SPR: variants seen among roughly 807,000 people sequenced by gnomAD.
The protein encoded by SPR is sepiapterin reductase.
A neutral mutation model predicts 16.0 loss-of-function variants in SPR; 12 were observed. The observed-to-expected ratio is 0.75, with a 90% CI of 0.48 to 1.22. The LOEUF (loss-of-function observed/expected upper bound fraction) is 1.22, where lower values mean the gene tolerates loss of function less well. SPR is among the 50% of genes most tolerant of loss of function. The probability of loss-of-function intolerance (pLI) is 0.00; values close to 1 mark genes in which losing one functional copy is unlikely to be tolerated. For synonymous variants in SPR, 177 were observed against 168.5 expected (o/e 1.05, Z -0.39); for missense variants, 324 against 344.4 (o/e 0.94, Z 0.47).
intron 2 of SPR, among the ~76,000 whole-genome samples, chr2:72,891,066 G>A (rs974442824): frequency 6.6e-6 from 1 of 152,256 alleles, no homozygotes; most frequent in Admixed American, 6.5e-5. Flanking sequence ...AATAGAAATG[G>A]GAATGTCAGG....
In SPR at chr2:72,891,553, T is replaced by C; in HGVS notation, c.*16T>C. 6.2e-7 allele frequency: 1 copy of C among 1,614,178 alleles called. No homozygotes were observed. Among genetic ancestry groups the C allele is most frequent in the South Asian group, 1.1e-5 (1 of 91,074 alleles). On this transcript the variant is annotated 3_prime_UTR_variant, in exon 3 of 3. Transcript: ENST00000234454. ...TGACAAATAAGCCCATGTTTTTGGC[T>C]TCCTGAACCTTTTTGCCCCCACTTT...
rs568491732 is a variant in SPR at position 72,888,201 on chromosome 2, C to T, written c.305-113C>T. 8.9e-5 allele frequency: 98 copies of T among 1,096,646 alleles called. No homozygotes were observed. The African/African-American group carries it at 1.0e-3, about 12-fold the overall frequency. 67.9% of individuals were successfully genotyped at this position (1,096,646 alleles called of 1,614,324 possible). A position where few individuals can be genotyped will look rare whatever the true frequency, so the allele number is the denominator to read the frequency against. ...GAGAAGCCTCTTCAGAAGCGCTAGG[C>T]AGCTTCCTCCTCTAGGTCTGCATGG... On this transcript the variant is annotated intron_variant, in intron 1 of 2. Coordinates refer to ENST00000234454, the MANE Select transcript of SPR (RefSeq NM_003124.5).
At chr2:72,890,469 G>A (rs1458206520) in intron 2 of SPR, among the ~76,000 whole-genome samples, 1 of 152,174 alleles carries the variant, frequency 6.6e-6, no homozygotes, top group African/African-American at 2.4e-5. Flanking sequence ...AGCCTCCCGA[G>A]TAGCTGGGAC....
chr2:72,891,338 ATCCTCTAGG>A lies in SPR; in HGVS notation c.596-2_602del, dbSNP rs2105243192. 2.5e-6 allele frequency: 4 copies of A among 1,613,998 alleles called. No homozygotes were observed. Among genetic ancestry groups the A allele is most frequent in the East Asian group, 2.2e-5 (1 of 44,862 alleles). On this transcript the variant is annotated splice_acceptor_variant and splice_polypyrimidine_tract_variant and coding_sequence_variant and intron_variant, in exon 3 of 3. Coordinates refer to ENST00000234454, the MANE Select transcript of SPR (RefSeq NM_003124.5). LOFTEE classifies it high-confidence loss of function. ...CATGTTCCCTCATCGTCTCCTTTTC[ATCCTCTAGG>A]TCCTCTGGACACAGACATGCAGCAG...
intron 2 of SPR, among the ~76,000 whole-genome samples, chr2:72,890,307 G>A (rs1371648716): frequency 2.6e-5 from 4 of 152,104 alleles, no homozygotes; most frequent in Admixed American, 6.5e-5. Flanking sequence ...GGTTTTGAGC[G>A]GAGGAATGTT....
chr2:72,891,533 A>G lies in SPR; in HGVS notation c.782A>G (p.Lys261Arg), dbSNP rs148735171. 29 of 1,614,126 alleles carry G rather than the reference A, an allele frequency of 1.8e-5. No individual in the cohort carries two copies. The highest frequency in any genetic ancestry group is 2.2e-5 in the Non-Finnish European group (26 of 1,180,046). Reference sequence around the variant, plus strand: ...GGAGCCCACGTGGACTTCTATGACAAATAAGCCCATGTTTTTGGCTTCCTG... The same window carrying G: ...GGAGCCCACGTGGACTTCTATGACAGATAAGCCCATGTTTTTGGCTTCCTG... ...KSGAHVDFYD[K>R] The change falls in exon 3 of 3, where the codon AAA becomes AGA. Residue 261 changes from lysine (K) to arginine (R), a missense_variant. Coordinates refer to ENST00000234454, the MANE Select transcript of SPR (RefSeq NM_003124.5).
chr2:72,888,084 C>T (rs763730059), intron 1 of SPR, among the ~76,000 whole-genome samples: 2 of 152,250 alleles, frequency 1.3e-5, no homozygotes, highest in African/African-American at 2.4e-5. Context: ...TAGAGCTTTC[C>T]TTCAGCCCCA....
intron 2 of SPR, 95 bp from the exon 3 acceptor site, chr2:72,891,252 C>A: frequency 7.4e-7 from 1 of 1,360,014 alleles, no homozygotes; most frequent in South Asian, 1.2e-5. Flanking sequence ...CTGGCCAGAC[C>A]TGACTCAGCC....
In SPR at chr2:72,888,564, G is replaced by A. The variant is rs748238701; in HGVS notation, c.555G>A (p.Ala185=). Residue 185 remains alanine, a synonymous_variant, in exon 2 of 3, where the codon GCG becomes GCA. Transcript: ENST00000234454. The part of the protein sequence containing the change: ...AARDMLFQVL[A]LEEPNVRVLN... The stretch of plus-strand genomic sequence containing the variant: ...GTGATATGCTGTTCCAGGTCCTGGC[G>A]CTGGAGGAACCTAATGTGAGGGTGC... 37 of 1,596,150 alleles carry A rather than the reference G, an allele frequency of 2.3e-5. No homozygotes were observed. The highest frequency in any genetic ancestry group is 2.8e-5 in the Non-Finnish European group (33 of 1,169,714).
chr2:72,887,504 C>T lies in SPR; in HGVS notation c.72C>T (p.Ala24=), dbSNP rs1670557588. ...GASRGFGRTL[A]PLLASLLSPG... ...CCCGCGGCTTCGGCCGGACGCTGGC[C>T]CCGCTCCTGGCCTCGCTGCTGTCGC... is the stretch of plus-strand genomic sequence containing the variant. The change falls in exon 1 of 3, where the codon GCC becomes GCT. Residue 24 remains alanine (A), a synonymous_variant. Transcript: ENST00000234454. The T allele has an allele frequency of 1.3e-6, 2 of 1,494,092 alleles. No homozygotes were observed. The highest frequency in any genetic ancestry group is 1.5e-5 in the African/African-American group (1 of 68,744). The allele number at this position is 1,494,092 out of a possible 1,614,324, so 92.6% of individuals were successfully genotyped here. A position where few individuals can be genotyped will look rare whatever the true frequency, so the allele number is the denominator to read the frequency against.
chr2:72,888,431 C>T lies in SPR; in HGVS notation c.422C>T (p.Ala141Val), dbSNP rs747683661. 6.2e-7 allele frequency: 1 copy of T among 1,614,012 alleles called. No individual in the cohort carries two copies. The highest frequency in any genetic ancestry group is 8.5e-7 in the Non-Finnish European group (1 of 1,179,938). Residue 141 changes from alanine (A) to valine (V), a missense_variant, in exon 2 of 3, where the codon GCC (alanine) becomes GTC (valine). Ala to Val is a moderately conservative substitution (Grantham distance 64). Coordinates refer to ENST00000234454, the MANE Select transcript of SPR (RefSeq NM_003124.5). ...TGCCTGACTTCCAGCGTCCTGAAGG[C>T]CTTCCCGGACAGTCCTGGCCTCAAC... is the stretch of plus-strand genomic sequence containing the variant. ...MLCLTSSVLKAFPDSPGLNRT... is the reference protein window; with the variant it reads ...MLCLTSSVLKVFPDSPGLNRT...
chr2:72,888,686 C>T, intron 2 of SPR, 82 bp downstream of exon 2: 2 of 1,429,734 alleles, frequency 1.4e-6, no homozygotes, highest in Non-Finnish European at 1.9e-6. Flanking sequence ...CTAGTCCGCC[C>T]CCTCCAGGAA....
At chr2:72,887,828 G>A (rs1302277728) in intron 1 of SPR, 92 bp downstream of exon 1, 2 of 1,283,972 alleles carry the variant, frequency 1.6e-6, no homozygotes, top group African/African-American at 1.5e-5. Context: ...GGGTCAGATA[G>A]GACGCCTAGA....
intron 1 of SPR, 111 bp from the exon 2 acceptor site, chr2:72,888,203 G>A: frequency 8.9e-7 from 1 of 1,125,946 alleles, no homozygotes; most frequent in Non-Finnish European, 1.4e-6. Context: ...GCGCTAGGCA[G>A]CTTCCTCCTC....
At chr2:72,887,760 A>T in intron 1 of SPR, 24 bp downstream of exon 1, 1 of 1,491,730 alleles carries the variant, frequency 6.7e-7, no homozygotes, top group Non-Finnish European at 8.9e-7. Flanking sequence ...GCTGGAGCGG[A>T]CTCCCCATGT....
intron 1 of SPR, among the ~76,000 whole-genome samples, chr2:72,888,053 T>C (rs991634754): frequency 2.0e-5 from 3 of 152,192 alleles, no homozygotes; most frequent in Non-Finnish European, 4.4e-5. Flanking sequence ...AAGTAAACTC[T>C]CTGCTTCTCC....
chr2:72,888,513 G>T lies in SPR; in HGVS notation c.504G>T (p.Ala168=). 1.2e-6 allele frequency: 2 copies of T among 1,611,690 alleles called. No homozygotes were observed. Among genetic ancestry groups the T allele is most frequent in the African/African-American group, 2.7e-5 (2 of 74,994 alleles). The part of the protein sequence containing the change: ...LCALQPFKGW[A]LYCAGKAARD... ...CCCTGCAACCTTTCAAAGGCTGGGC[G>T]CTGTACTGTGCAGGAAAGGCTGCTC... The change falls in exon 2 of 3, where the codon GCG becomes GCT. Residue 168 remains alanine (A), a synonymous_variant. Transcript: ENST00000234454.
At chr2:72,888,205 T>C in intron 1 of SPR, 109 bp from the exon 2 acceptor site, 1 of 1,143,914 alleles carries the variant, frequency 8.7e-7, no homozygotes, top group South Asian at 1.2e-5. Context: ...GCTAGGCAGC[T>C]TCCTCCTCTA....
chr2:72,890,531 TG>T (rs1670601889), intron 2 of SPR, among the ~76,000 whole-genome samples: 1 of 151,666 alleles, frequency 6.6e-6, no homozygotes, highest in African/African-American at 2.4e-5. Context: ...TTAGAAGAGA[TG>T]GGATTTCACC....
Sources: allele counts gnomAD v4.1 joint callset (sites outside exome capture counted in the v4.1 genomes callset), GRCh38; gene constraint gnomAD v4.1.1; transcripts MANE v1.5; gene names NCBI Gene and HGNC (gene_info 2026-07-23, HGNC 2026-07-21).